The following CFAP91 variants were observed in gnomAD, a reference collection of about 807,000 sequenced individuals.
CFAP91 encodes cilia and flagella associated protein 91, also known as cilia- and flagella-associated protein 91.
In CFAP91, 85 loss-of-function variants were observed where a neutral mutation model predicts 95.9. The observed-to-expected ratio is 0.89, with a 90% CI of 0.74 to 1.06. The LOEUF (loss-of-function observed/expected upper bound fraction) is 1.06, where lower values mean the gene tolerates loss of function less well. Among genes scored for constraint, CFAP91 ranks in the 50% least tolerant of loss-of-function variants. The pLI, the probability that CFAP91 is intolerant of heterozygous loss-of-function variation, is 0.00. For synonymous variants in CFAP91, 335 were observed against 327.5 expected (o/e 1.02, Z -0.25); for missense variants, 962 against 943.4 (o/e 1.02, Z -0.26).
At position 119,715,761 on chromosome 3, in the gene CFAP91, C is replaced by G; in HGVS notation, c.682+18C>G. On this transcript the variant is annotated intron_variant, in intron 6 of 17. Coordinates refer to ENST00000273390, the MANE Select transcript of CFAP91 (RefSeq NM_033364.4). ...TACTTGGGGTGAGTTGGTAAATCTC[C>G]TGACTATTGGCAGATGACGATGCTG... The G allele has an allele frequency of 6.2e-7, 1 of 1,610,198 alleles. No homozygotes were observed. Among genetic ancestry groups the G allele is most frequent in the Non-Finnish European group, 8.5e-7 (1 of 1,176,412 alleles).
chr3:119,746,646 G>A lies in CFAP91; in HGVS notation c.1903-469G>A, dbSNP rs529587218. On this transcript the variant is annotated intron_variant, in intron 14 of 17. Coordinates refer to ENST00000273390, the MANE Select transcript of CFAP91 (RefSeq NM_033364.4). ...TATGGGCAATCCAGCTCCTGTGGGT[G>A]CTGGGAAATGTAGTCTTTATTCTAG... Among the ~76,000 whole-genome samples the A allele has an allele frequency of 3.9e-5, 6 of 152,304 alleles. No individual in the cohort carries two copies. In the South Asian group the frequency reaches 1.2e-3, roughly 32 times the overall value.
chr3:119,752,501 A>G (rs1236627511), intron 17 of CFAP91: 1 of 152,220 alleles, frequency 6.6e-6, no homozygotes, highest in Non-Finnish European at 1.5e-5. Flanking sequence ...TGAAAATATA[A>G]AACATCTATT....
Position 119,732,369 on chromosome 3 carries a change from C to A in CFAP91, c.1094C>A (p.Ser365Tyr). Residue 365 changes from serine (S) to tyrosine (Y), a missense_variant, in exon 9 of 18, where the codon TCT becomes TAT. Ser to Tyr is a moderately radical substitution (Grantham distance 144, BLOSUM62 -2). Transcript: ENST00000273390. ...AGAAGAAATATCATCAAGGATTATTCTGATTATGCATCACAGGTCTATGGA... is the reference window on the plus strand; with the variant it reads ...AGAAGAAATATCATCAAGGATTATTATGATTATGCATCACAGGTCTATGGA... Reference protein sequence around the residue: ...LERRNIIKDYSDYASQVYGPL... With the variant: ...LERRNIIKDYYDYASQVYGPL... The A allele has an allele frequency of 6.2e-7, 1 of 1,612,342 alleles. No homozygotes were observed. Among genetic ancestry groups the A allele is most frequent in the South Asian group, 1.1e-5 (1 of 90,934 alleles).
intron 15 of CFAP91, 104 bp downstream of exon 15, chr3:119,747,367 ACT>A: frequency 7.7e-7 from 1 of 1,300,722 alleles, no homozygotes; most frequent in South Asian, 1.5e-5. Flanking sequence ...GAAACAAATA[ACT>A]CATACTTCAG....
At chr3:119,726,136 C>G in intron 6 of CFAP91, 35 bp from the exon 7 acceptor site, 4 of 1,563,200 alleles carry the variant, frequency 2.6e-6, no homozygotes, top group Non-Finnish European at 3.5e-6. Context: ...TGGGTCAGCT[C>G]ACTTGTTCCT....
In CFAP91 at chr3:119,744,417, T is replaced by C. The variant is rs545489967; in HGVS notation, c.1902+221T>C. The stretch of plus-strand genomic sequence containing the variant: ...AAATAACACATAATACGCACGTGTA[T>C]AGAATTAGAAACTGTAATGAGTTCC... On this transcript the variant is annotated intron_variant, in intron 14 of 17. Coordinates refer to ENST00000273390, the MANE Select transcript of CFAP91 (RefSeq NM_033364.4). Among the ~76,000 whole-genome samples, 149 of 152,270 alleles carry C rather than the reference T, an allele frequency of 9.8e-4. 1 individual carries two copies. In the South Asian group the frequency reaches 0.012, roughly 12 times the overall value.
intron 6 of CFAP91, among the ~76,000 whole-genome samples, chr3:119,719,017 A>G (rs1430690470): frequency 1.3e-5 from 2 of 152,320 alleles, no homozygotes; most frequent in East Asian, 3.9e-4. Flanking sequence ...TGATAACTCC[A>G]AACTGAAAAC....
chr3:119,746,299 CT>C (rs1460791544), intron 14 of CFAP91, among the ~76,000 whole-genome samples: 1 of 152,164 alleles, frequency 6.6e-6, no homozygotes. Flanking sequence ...TTTATGTGCT[CT>C]GTACTTTTTA....
At chr3:119,718,055 T>G (rs1348051422) in intron 6 of CFAP91, among the ~76,000 whole-genome samples, 2 of 152,026 alleles carry the variant, frequency 1.3e-5, no homozygotes, top group African/African-American at 2.4e-5. Flanking sequence ...CCAGGGTGCT[T>G]ATGAGAGAAA....
intron 17 of CFAP91, among the ~76,000 whole-genome samples, chr3:119,759,298 T>G (rs995635953): frequency 6.6e-6 from 1 of 151,934 alleles, no homozygotes; most frequent in African/African-American, 2.4e-5. Flanking sequence ...AGTTAAGGTG[T>G]AACAAAATGC....
intron 6 of CFAP91, among the ~76,000 whole-genome samples, chr3:119,722,599 T>A (rs1212097607): frequency 6.6e-6 from 1 of 152,142 alleles, no homozygotes; most frequent in Non-Finnish European, 1.5e-5. Flanking sequence ...AGTGATCCTC[T>A]CACCCCATCC....
At chr3:119,755,412 C>T (rs1001822040) in intron 17 of CFAP91, among the ~76,000 whole-genome samples, 7 of 152,084 alleles carry the variant, frequency 4.6e-5, no homozygotes, top group Non-Finnish European at 1.0e-4. Context: ...GGGAAGAACC[C>T]TCATGATGGG....
chr3:119,707,609 T>C (rs2053392153), intron 3 of CFAP91, 48 bp downstream of exon 3: 1 of 1,475,674 alleles, frequency 6.8e-7, no homozygotes. Flanking sequence ...ATTAAAAGCA[T>C]TTCTTTAAAT....
chr3:119,733,583 C>A, intron 10 of CFAP91, 77 bp downstream of exon 10: 1 of 1,481,456 alleles, frequency 6.8e-7, no homozygotes, highest in Non-Finnish European at 9.3e-7. Flanking sequence ...AAAATTGCAG[C>A]AATGTCCAGT....
At chr3:119,725,966 A>C (rs1370620978) in intron 6 of CFAP91, among the ~76,000 whole-genome samples, 2 of 152,200 alleles carry the variant, frequency 1.3e-5, no homozygotes, top group Non-Finnish European at 2.9e-5. Flanking sequence ...AAAATGTCTT[A>C]CGGCTCAATT....
intron 5 of CFAP91, chr3:119,715,310 A>G: frequency 1.7e-6 from 1 of 601,668 alleles, no homozygotes; most frequent in South Asian, 1.7e-5. Flanking sequence ...ACACATATAA[A>G]TAGGCACTTC....
chr3:119,716,812 G>A (rs562138592), intron 6 of CFAP91, among the ~76,000 whole-genome samples: 3 of 151,960 alleles, frequency 2.0e-5, no homozygotes, highest in Non-Finnish European at 4.4e-5. Flanking sequence ...GGATGGTCTC[G>A]ATCCCCTGAC....
intron 14 of CFAP91, among the ~76,000 whole-genome samples, chr3:119,746,840 C>T (rs1034082719): frequency 1.3e-5 from 2 of 152,106 alleles, no homozygotes; most frequent in African/African-American, 4.8e-5. Flanking sequence ...ACTCTGAAGC[C>T]CATAATCCTT....
At chr3:119,725,810 T>C (rs2053772011) in intron 6 of CFAP91, among the ~76,000 whole-genome samples, 2 of 152,136 alleles carry the variant, frequency 1.3e-5, no homozygotes, top group African/African-American at 4.8e-5. Context: ...AACAAATTCC[T>C]TACCCCATAT....
Sources: gnomAD v4.1 joint callset for allele counts (sites outside exome capture counted in the v4.1 genomes callset) on GRCh38, gnomAD v4.1.1 for gene constraint, MANE v1.5 for transcripts, NCBI Gene and HGNC (gene_info 2026-07-23, HGNC 2026-07-21) for gene names.